ALDH18A1: variants seen among roughly 807,000 people sequenced by gnomAD.
ALDH18A1 encodes aldehyde dehydrogenase 18 family member A1, also known as delta-1-pyrroline-5-carboxylate synthase.
A neutral mutation model predicts 88.8 loss-of-function variants in ALDH18A1; 44 were observed. That is an observed-to-expected ratio of 0.50 (90% confidence interval 0.39 to 0.64). The LOEUF is 0.64. Among genes scored for constraint, ALDH18A1 ranks in the 30% least tolerant of loss-of-function variants. The pLI, the probability that ALDH18A1 is intolerant of heterozygous loss-of-function variation, is 0.00. For missense variants in ALDH18A1, 782 were observed against 1,009.5 expected (o/e 0.77, Z 3.05); for synonymous variants, 331 against 372.1 (o/e 0.89, Z 1.27).
chr10:95,643,343 C>A, intron 2 of ALDH18A1, 137 bp from the exon 3 acceptor site: 1 of 891,146 alleles, frequency 1.1e-6, no homozygotes, highest in East Asian at 2.6e-5. Flanking sequence ...AAAACTAGCA[C>A]AGTGTATCAA....
chr10:95,636,022 A>G (rs2097879929), intron 5 of ALDH18A1, among the ~76,000 whole-genome samples: 1 of 152,192 alleles, frequency 6.6e-6, no homozygotes, highest in African/African-American at 2.4e-5. Flanking sequence ...AGACTACAGA[A>G]AGTGGGGTCC....
chr10:95,648,962 T>C (rs532596997), intron 2 of ALDH18A1, among the ~76,000 whole-genome samples: 1 of 152,332 alleles, frequency 6.6e-6, no homozygotes, highest in Non-Finnish European at 1.5e-5. Context: ...TTCCAAAACC[T>C]GAACTTTCAG....
intron 17 of ALDH18A1, 123 bp downstream of exon 17, chr10:95,610,074 T>G (rs1306001602): frequency 1.0e-6 from 1 of 976,766 alleles, no homozygotes; most frequent in Non-Finnish European, 1.6e-6. Flanking sequence ...CCAGCCTGTT[T>G]CTCTCTTATC....
At chr10:95,614,786 AAT>A (rs1485322810) in intron 13 of ALDH18A1, among the ~76,000 whole-genome samples, 2 of 152,170 alleles carry the variant, frequency 1.3e-5, no homozygotes, top group African/African-American at 4.8e-5. Context: ...TTTTATAACA[AAT>A]ATATATGTGT....
intron 14 of ALDH18A1, 41 bp downstream of exon 14, chr10:95,613,925 A>G: frequency 5.6e-6 from 9 of 1,614,216 alleles, no homozygotes; most frequent in Non-Finnish European, 7.6e-6. Flanking sequence ...AGAGGATGTA[A>G]TATTTCTCCG....
intron 13 of ALDH18A1, 22 bp from the exon 14 acceptor site, chr10:95,614,183 A>C (rs758425594): frequency 1.2e-6 from 2 of 1,612,216 alleles, no homozygotes; most frequent in Non-Finnish European, 1.7e-6. Context: ...AAGAAGAAAA[A>C]GATAAAGATG....
At chr10:95,625,642 C>G (rs2097859285) in intron 10 of ALDH18A1, among the ~76,000 whole-genome samples, 187 bp from the exon 11 acceptor site, 2 of 152,022 alleles carry the variant, frequency 1.3e-5, no homozygotes, top group South Asian at 4.2e-4. Flanking sequence ...CTTCCTTCCT[C>G]TCTCACTGCC....
At chr10:95,634,524 C>G (rs2097877018) in intron 5 of ALDH18A1, among the ~76,000 whole-genome samples, 1 of 152,340 alleles carries the variant, frequency 6.6e-6, no homozygotes, top group Non-Finnish European at 1.5e-5. Context: ...TGTGTTGTCA[C>G]TGCTCTTGCT....
chr10:95,628,775 A>G (rs960672567), intron 7 of ALDH18A1: 3 of 415,786 alleles, frequency 7.2e-6, no homozygotes, highest in Admixed American at 3.6e-5. Flanking sequence ...AGCCCTGCCC[A>G]TATTCCTGGC....
chr10:95,622,569 G>A (rs1356949817), intron 11 of ALDH18A1, among the ~76,000 whole-genome samples: 4 of 151,668 alleles, frequency 2.6e-5, no homozygotes, highest in African/African-American at 4.8e-5. Flanking sequence ...ACGGAGTCTC[G>A]CTCTGTCGCC....
In ALDH18A1 at chr10:95,610,302, G is replaced by A. The variant is rs1646061732; in HGVS notation, c.2111-10C>T. 6.2e-7 allele frequency: 1 copy of A among 1,613,350 alleles called. No homozygotes were observed. Among genetic ancestry groups the A allele is most frequent in the Admixed American group, 1.7e-5 (1 of 59,980 alleles). On this transcript the variant is annotated splice_polypyrimidine_tract_variant and intron_variant, in intron 16 of 17. Transcript: ENST00000371224. Reference sequence around the variant, plus strand: ...AACTCCGCTGTGTTTTCTGCAGGGTGAAGAAGGAGAAACCAAGTTAGGATG... The same window carrying A: ...AACTCCGCTGTGTTTTCTGCAGGGTAAAGAAGGAGAAACCAAGTTAGGATG...
chr10:95,649,930 GCA>G (rs1401549575), intron 2 of ALDH18A1, among the ~76,000 whole-genome samples: 2 of 151,778 alleles, frequency 1.3e-5, no homozygotes, highest in Admixed American at 1.3e-4. Flanking sequence ...CTGTGGTGGT[GCA>G]ACCCATAGTC....
At chr10:95,637,479 GTC>G (rs1208889507) in intron 3 of ALDH18A1, 43 bp from the exon 4 acceptor site, 2 of 1,609,490 alleles carry the variant, frequency 1.2e-6, no homozygotes, top group Admixed American at 1.7e-5. Flanking sequence ...TTACCGTACT[GTC>G]TCTTTCATCT....
At position 95,616,596 on chromosome 10, in the gene ALDH18A1, C is replaced by A. The variant is rs1185868272; in HGVS notation, c.1486G>T (p.Ala496Ser). ...CLPQVAALAIASGNGLLLKGG... is the reference protein window; with the variant it reads ...CLPQVAALAISSGNGLLLKGG... Reference sequence around the variant, plus strand: ...TTGAGTAACAAGCCATTGCCACTTGCGATAGCCAAAGCTGCCACCTGCAGA... The same window carrying A: ...TTGAGTAACAAGCCATTGCCACTTGAGATAGCCAAAGCTGCCACCTGCAGA... Residue 496 changes from alanine (A) to serine (S), a missense_variant, in exon 13 of 18, where the codon GCA becomes TCA. Coordinates refer to ENST00000371224, the MANE Select transcript of ALDH18A1 (RefSeq NM_002860.4). The A allele has an allele frequency of 6.2e-7, 1 of 1,606,898 alleles. No homozygotes were observed. Among genetic ancestry groups the A allele is most frequent in the Admixed American group, 1.7e-5 (1 of 59,020 alleles).
At chr10:95,653,255 G>C in intron 2 of ALDH18A1, 35 bp downstream of exon 2, 2 of 1,520,476 alleles carry the variant, frequency 1.3e-6, no homozygotes, top group Middle Eastern at 1.7e-4. Context: ...ACTATCAAAC[G>C]TCCCACATAC....
At chr10:95,609,205 CGA>C (rs1304184416) in intron 17 of ALDH18A1, among the ~76,000 whole-genome samples, 11 of 152,140 alleles carry the variant, frequency 7.2e-5, no homozygotes, top group Non-Finnish European at 1.5e-4. Flanking sequence ...CCCCTGAAAA[CGA>C]GAGACTGTCC....
rs150044627 is a variant in ALDH18A1, at chr10:95,651,154, A to G, written c.88+2136T>C. Among the ~76,000 whole-genome samples, 372 of 152,318 alleles carry G rather than the reference A, an allele frequency of 2.4e-3. 8 individuals are homozygous for G. The highest frequency in any genetic ancestry group is 3.1e-4 in the Non-Finnish European group (21 of 68,022). ...TCTCAAAAAACAAAAAAAAACAAAA[A>G]GAATGAGCTAAAGACATGAACTAAC... is the stretch of plus-strand genomic sequence containing the variant. On this transcript the variant is annotated intron_variant, in intron 2 of 17. Coordinates refer to ENST00000371224, the MANE Select transcript of ALDH18A1 (RefSeq NM_002860.4).
At chr10:95,636,878 G>A (rs531519267) in intron 5 of ALDH18A1, among the ~76,000 whole-genome samples, 10 of 152,240 alleles carry the variant, frequency 6.6e-5, no homozygotes, top group African/African-American at 2.2e-4. Flanking sequence ...TTTTCTCACT[G>A]AGCCCTTCCA....
At chr10:95,647,455 T>C (rs1483462790) in intron 2 of ALDH18A1, among the ~76,000 whole-genome samples, 1 of 152,204 alleles carries the variant, frequency 6.6e-6, no homozygotes, top group African/African-American at 2.4e-5. Context: ...GTAAAAAAAG[T>C]GTTACTTACT....
Sources: gnomAD v4.1 joint callset for allele counts (sites outside exome capture counted in the v4.1 genomes callset) on GRCh38, gnomAD v4.1.1 for gene constraint, MANE v1.5 for transcripts, NCBI Gene and HGNC (gene_info 2026-07-23, HGNC 2026-07-21) for gene names.